The following ADD1 variants were observed in gnomAD, a reference collection of about 807,000 sequenced individuals.
ADD1 encodes the protein alpha-adducin.
In ADD1, 24 loss-of-function variants were observed where a neutral mutation model predicts 80.5. The observed-to-expected ratio is 0.30, with a 90% CI of 0.22 to 0.42. The LOEUF (loss-of-function observed/expected upper bound fraction) is 0.42, where lower values mean the gene tolerates loss of function less well. Ranked by LOEUF, ADD1 falls within the 10% of genes least tolerant of loss-of-function variation. The pLI is 1.00. For synonymous variants in ADD1, 373 were observed against 393.8 expected (o/e 0.95, Z 0.63); for missense variants, 948 against 1,019.0 (o/e 0.93, Z 0.95).
chr4:2,882,114 C>T, intron 3 of ADD1, 54 bp downstream of exon 3: 1 of 1,481,394 alleles, frequency 6.8e-7, no homozygotes, highest in Non-Finnish European at 9.0e-7. Context: ...GTAAAATTTC[C>T]TGAAGATTGC....
intron 14 of ADD1, among the ~76,000 whole-genome samples, chr4:2,924,762 C>T (rs1363210577): frequency 1.3e-5 from 2 of 152,222 alleles, no homozygotes; most frequent in South Asian, 4.1e-4. Context: ...TTGTCTCCCT[C>T]CAGTGAAGCT....
intron 2 of ADD1, among the ~76,000 whole-genome samples, chr4:2,877,981 A>G (rs530151481): frequency 4.2e-4 from 64 of 151,954 alleles, no homozygotes; most frequent in African/African-American, 1.5e-3. Flanking sequence ...AAAAAAGGAG[A>G]CGTGTTCCCA....
chr4:2,852,171 T>TTTCTTTCTTTCC (rs1727226326), intron 1 of ADD1, among the ~76,000 whole-genome samples: 1 of 72,144 alleles, frequency 1.4e-5, no homozygotes, highest in African/African-American at 6.0e-5. Context: ...TCTTTCTTTC[T>TTTCTTTCTTTCC]TTCTTTCTTT....
At chr4:2,879,477 T>C (rs1027895893) in intron 2 of ADD1, among the ~76,000 whole-genome samples, 1 of 152,192 alleles carries the variant, frequency 6.6e-6, no homozygotes, top group Admixed American at 6.5e-5. Context: ...TAGATCTGTA[T>C]GTGGATTTGA....
intron 2 of ADD1, among the ~76,000 whole-genome samples, chr4:2,880,516 C>A (rs1254089157): frequency 1.6e-5 from 2 of 125,298 alleles, no homozygotes; most frequent in African/African-American, 6.1e-5. Flanking sequence ...CGCTCTATCT[C>A]CCAAGCTGGA....
rs570695336 is a variant in ADD1 at position 2,914,293 on chromosome 4, G to A, written c.1792-591G>A. Reference sequence around the variant, plus strand: ...CTTCGCTTTCTTCTTTTTTTCTTTGGTACAAATTTTCAGAGTTTTCCAAAT... The same window carrying A: ...CTTCGCTTTCTTCTTTTTTTCTTTGATACAAATTTTCAGAGTTTTCCAAAT... On this transcript the variant is annotated intron_variant, in intron 13 of 15. Coordinates refer to ENST00000683351, the MANE Select transcript of ADD1 (RefSeq NM_001354761.2). 6.6e-5 allele frequency among the ~76,000 whole-genome samples: 10 copies of A among 152,242 alleles called. No homozygotes were observed. In the South Asian group the frequency reaches 1.9e-3, roughly 28 times the overall value.
chr4:2,925,846 G>A (rs1740873342), intron 14 of ADD1, among the ~76,000 whole-genome samples, 168 bp from the exon 15 acceptor site: 1 of 152,232 alleles, frequency 6.6e-6, no homozygotes, highest in Non-Finnish European at 1.5e-5. Context: ...TCAACACCCA[G>A]GTCACAGCTT....
chr4:2,909,306 G>A (rs1737598546), intron 12 of ADD1, 33 bp from the exon 13 acceptor site: 12 of 1,512,210 alleles, frequency 7.9e-6, no homozygotes, highest in Non-Finnish European at 1.1e-5. Flanking sequence ...GGCTGGGCCT[G>A]GTGTGCTCTG....
intron 1 of ADD1, among the ~76,000 whole-genome samples, chr4:2,870,406 T>C (rs1432339949): frequency 3.3e-5 from 5 of 152,262 alleles, no homozygotes; most frequent in African/African-American, 7.2e-5. Flanking sequence ...TAAATAGTGC[T>C]GTTCAGTCAG....
rs554564805 is a variant in ADD1, at chr4:2,864,701, C to T, written c.-20-11195C>T. On this transcript the variant is annotated intron_variant, in intron 1 of 15. Coordinates refer to ENST00000683351, the MANE Select transcript of ADD1 (RefSeq NM_001354761.2). ...CTTCCTTCCTTTTTCTTGTCAGGGTCCCTGGCTCCCTCTGGAGTCTACTCT... is the reference window on the plus strand; with the variant it reads ...CTTCCTTCCTTTTTCTTGTCAGGGTTCCTGGCTCCCTCTGGAGTCTACTCT... Among the ~76,000 whole-genome samples, 7 of 151,934 alleles carry T rather than the reference C, an allele frequency of 4.6e-5. No homozygotes were observed. The South Asian group carries it at 1.0e-3, about 23-fold the overall frequency.
At chr4:2,904,478 A>G (rs1175588748) in intron 9 of ADD1, among the ~76,000 whole-genome samples, 1 of 152,250 alleles carries the variant, frequency 6.6e-6, no homozygotes, top group Non-Finnish European at 1.5e-5. Flanking sequence ...TTGTGTCACT[A>G]TAAGCCTTCT....
intron 1 of ADD1, among the ~76,000 whole-genome samples, chr4:2,871,129 C>T (rs899867149): frequency 5.3e-5 from 8 of 152,036 alleles, no homozygotes; most frequent in Non-Finnish European, 8.8e-5. Flanking sequence ...CCACCACACC[C>T]GGCTAATTTT....
intron 4 of ADD1, among the ~76,000 whole-genome samples, chr4:2,886,658 A>G (rs1321805825): frequency 6.6e-6 from 1 of 152,168 alleles, no homozygotes; most frequent in African/African-American, 2.4e-5. Flanking sequence ...GCATGCAGTA[A>G]ACTTAGGTGA....
At chr4:2,906,861 G>T (rs1305325033) in intron 10 of ADD1, among the ~76,000 whole-genome samples, 1 of 152,102 alleles carries the variant, frequency 6.6e-6, no homozygotes, top group Non-Finnish European at 1.5e-5. Context: ...TTTTAAAGTC[G>T]TATGGTTTAT....
At chr4:2,854,603 T>G (rs1163875061) in intron 1 of ADD1, among the ~76,000 whole-genome samples, 1 of 152,234 alleles carries the variant, frequency 6.6e-6, no homozygotes, top group Non-Finnish European at 1.5e-5. Flanking sequence ...ATCTTCCTGT[T>G]GAGCTGTACT....
chr4:2,869,921 G>A (rs904313170), intron 1 of ADD1, among the ~76,000 whole-genome samples: 1 of 152,072 alleles, frequency 6.6e-6, no homozygotes, highest in Non-Finnish European at 1.5e-5. Flanking sequence ...TTTTTCCCAC[G>A]GAGCAGTAAT....
At chr4:2,921,746 A>G (rs1740084687) in intron 14 of ADD1, among the ~76,000 whole-genome samples, 1 of 151,960 alleles carries the variant, frequency 6.6e-6, no homozygotes, top group Non-Finnish European at 1.5e-5. Flanking sequence ...CCTTGGTTTC[A>G]TTCTGCCTGT....
intron 12 of ADD1, chr4:2,908,821 A>G (rs1737502285): frequency 1.7e-6 from 1 of 580,978 alleles, no homozygotes; most frequent in African/African-American, 1.9e-5. Flanking sequence ...CCCTCTGGTC[A>G]TGCCCCTTGT....
rs1287062849 is a variant in ADD1 at position 2,865,440 on chromosome 4, TGCGTG to T, written c.-20-10455_-20-10451del. On this transcript the variant is annotated intron_variant, in intron 1 of 15. Coordinates refer to ENST00000683351, the MANE Select transcript of ADD1 (RefSeq NM_001354761.2). ...ATGAAGTATCTCATGTCTCAGCCTT[TGCGTG>T]TACAGAATAAATACGTTTTTCTCAG... Among the ~76,000 whole-genome samples, 7 of 152,380 alleles carry T rather than the reference TGCGTG, an allele frequency of 4.6e-5. No homozygotes were observed. In the South Asian group the frequency reaches 6.2e-4, roughly 14 times the overall value.
Sources: gnomAD v4.1 joint callset for allele counts (sites outside exome capture counted in the v4.1 genomes callset) on GRCh38, gnomAD v4.1.1 for gene constraint, MANE v1.5 for transcripts, NCBI Gene and HGNC (gene_info 2026-07-23, HGNC 2026-07-21) for gene names.